The following TMEM53 variants were observed in gnomAD, a reference collection of about 807,000 sequenced individuals.
TMEM53 encodes novel DUF829 domain-containing protein.
A neutral mutation model predicts 21.4 loss-of-function variants in TMEM53; 14 were observed. That is an observed-to-expected ratio of 0.65 (90% confidence interval 0.43 to 1.02). The LOEUF is 1.02. TMEM53 is among the 50% of genes least tolerant of loss of function. The pLI is 0.00. For synonymous variants in TMEM53, 148 were observed against 157.4 expected, an observed-to-expected ratio of 0.94 and a Z score of 0.45; for missense variants, 323 against 383.6, an observed-to-expected ratio of 0.84 and a Z score of 1.32.
chr1:44,660,186 G>A lies in TMEM53; in HGVS notation c.171C>T (p.Ile57=), dbSNP rs753172273. ...CCAGAGTACTCACCCTTTTGTGGTAGATGGCACTGTACTTGGCAAGGTTCT... is the reference window on the plus strand; with the variant it reads ...CCAGAGTACTCACCCTTTTGTGGTAAATGGCACTGTACTTGGCAAGGTTCT... ...KDKNLAKYSA[I]YHKRGCIVIR... Residue 57 remains isoleucine (I), a synonymous_variant, in exon 2 of 3, where the codon ATC becomes ATT. Transcript: ENST00000372237. 2 of 1,614,064 alleles carry A rather than the reference G, an allele frequency of 1.2e-6. No individual in the cohort carries two copies. Among genetic ancestry groups the A allele is most frequent in the South Asian group, 2.2e-5 (2 of 91,066 alleles).
intron 1 of TMEM53, among the ~76,000 whole-genome samples, chr1:44,667,609 T>C (rs1484750881): frequency 7.9e-5 from 12 of 152,160 alleles, no homozygotes; most frequent in African/African-American, 2.4e-5. Flanking sequence ...CGCCCAGCCA[T>C]GTATTTTTTT....
chr1:44,660,046 C>T (rs2148531459), intron 2 of TMEM53, 128 bp downstream of exon 2: 2 of 1,188,890 alleles, frequency 1.7e-6, no homozygotes, highest in East Asian at 2.7e-5. Flanking sequence ...TTAGTAGAGA[C>T]AGGGTTTGAC....
chr1:44,654,997 G>GT lies in TMEM53; in HGVS notation c.395_396insA (p.Phe132LeufsTer12). 1.2e-6 allele frequency: 2 copies of GT among 1,613,976 alleles called. No individual in the cohort carries two copies. On this transcript the variant is annotated frameshift_variant, in exon 3 of 3. Transcript: ENST00000372237. LOFTEE classifies it high-confidence loss of function. The surrounding 1 kb of genome is among the most constrained non-coding windows in gnomAD (Gnocchi z 7.0). Reference sequence around the variant, plus strand: ...TGGTGCCCACCACACGCAGGCGGCAGAAGCGACGGGTCTGCAGGAGCTCCA... The same window carrying GT: ...TGGTGCCCACCACACGCAGGCGGCAGTAAGCGACGGGTCTGCAGGAGCTCCA...
intron 1 of TMEM53, among the ~76,000 whole-genome samples, chr1:44,664,985 T>C (rs1644935437): frequency 1.3e-5 from 2 of 152,036 alleles, no homozygotes; most frequent in African/African-American, 4.8e-5. Flanking sequence ...ACGATGCTGA[T>C]GCTCCGTGTT....
rs116812763 is a variant in TMEM53 at position 44,674,244 on chromosome 1, C to A, written c.61+87G>T. The A allele has an allele frequency of 7.9e-4, 1,193 of 1,507,070 alleles. 8 individuals carry two copies. In the African/African-American group the frequency reaches 0.015, roughly 19 times the overall value. The allele number at this position is 1,507,070 out of a possible 1,614,324, so 93.4% of individuals were successfully genotyped here. ...GGCGGCCCGAGGGAGGGCGGGGCCG[C>A]ATGAGGGGCGGGGCTACAGCTGCGC... On this transcript the variant is annotated intron_variant, in intron 1 of 2. Coordinates refer to ENST00000372237, the MANE Select transcript of TMEM53 (RefSeq NM_024587.4).
chr1:44,673,822 G>A, intron 1 of TMEM53: 2 of 982,816 alleles, frequency 2.0e-6, no homozygotes, highest in South Asian at 9.4e-5. Flanking sequence ...AGTTCTACCC[G>A]ACGGCAGAGA....
chr1:44,674,208 C>G, intron 1 of TMEM53, 123 bp downstream of exon 1: 3 of 1,440,884 alleles, frequency 2.1e-6, no homozygotes, highest in Non-Finnish European at 2.7e-6. Context: ...ACCTGCCAGA[C>G]CCTATGAGGG....
chr1:44,668,828 C>T (rs540680361), intron 1 of TMEM53, among the ~76,000 whole-genome samples: 19 of 152,330 alleles, frequency 1.2e-4, no homozygotes, highest in African/African-American at 4.6e-4. Context: ...CAGGCGTGAG[C>T]CACTGTACCC....
At chr1:44,659,824 G>C (rs908769884) in intron 2 of TMEM53, among the ~76,000 whole-genome samples, 1 of 149,126 alleles carries the variant, frequency 6.7e-6, no homozygotes, top group Non-Finnish European at 1.5e-5. Flanking sequence ...ATCCCACCAA[G>C]TCCCTATAAC....
Position 44,670,169 on chromosome 1 carries a change from T to TA in TMEM53, c.61+4161dup, listed in dbSNP as rs780360806. Among the ~76,000 whole-genome samples, 106 of 103,780 alleles carry TA rather than the reference T, an allele frequency of 1.0e-3. 3 individuals carry two copies. Among genetic ancestry groups the TA allele is most frequent in the East Asian group, 3.5e-3 (13 of 3,768 alleles). The allele number at this position is 103,780 out of a possible 152,430, so 68.1% of individuals were successfully genotyped here. Reference sequence around the variant, plus strand: ...AAAAATAAATACAACTCCTCTGTATTAAAAAAAAAAAAAAAGACCTTTGGG... The same window carrying TA: ...AAAAATAAATACAACTCCTCTGTATTAAAAAAAAAAAAAAAAGACCTTTGGG... On this transcript the variant is annotated intron_variant, in intron 1 of 2. Coordinates refer to ENST00000372237, the MANE Select transcript of TMEM53 (RefSeq NM_024587.4).
Position 44,672,889 on chromosome 1 carries a change from C to T in TMEM53, c.61+1442G>A, listed in dbSNP as rs544480964. On this transcript the variant is annotated intron_variant, in intron 1 of 2. Coordinates refer to ENST00000372237, the MANE Select transcript of TMEM53 (RefSeq NM_024587.4). ...CTACCTCGTAACCCTCGCAATCCCA[C>T]GAGGAGGTAGGCACTAGTACTCTTC... is the stretch of plus-strand genomic sequence containing the variant. Among the ~76,000 whole-genome samples, 6 of 152,264 alleles carry T rather than the reference C, an allele frequency of 3.9e-5. No individual in the cohort carries two copies. In the South Asian group the frequency reaches 1.0e-3, roughly 26 times the overall value.
intron 1 of TMEM53, among the ~76,000 whole-genome samples, chr1:44,666,069 A>G (rs1644946278): frequency 1.3e-5 from 2 of 152,248 alleles, no homozygotes; most frequent in South Asian, 4.1e-4. Flanking sequence ...AAAGGACCTG[A>G]ATATATTAAG....
chr1:44,671,143 G>T (rs189996555), intron 1 of TMEM53, among the ~76,000 whole-genome samples: 2 of 152,334 alleles, frequency 1.3e-5, no homozygotes, highest in East Asian at 3.9e-4. Context: ...CAAATGAAAT[G>T]AAGTAAGAGA....
chr1:44,654,665 C>T lies in TMEM53; in HGVS notation c.728G>A (p.Arg243His), dbSNP rs150431791. Residue 243 changes from arginine (R) to histidine (H), a missense_variant, in exon 3 of 3, where the codon CGT (arginine) becomes CAT (histidine). Physicochemically the swap from Arg to His is conservative, Grantham distance 29. Transcript: ENST00000372237. The surrounding 1 kb of genome is among the most constrained non-coding windows in gnomAD (Gnocchi z 7.0). ...EARLARRVLA[R>H]SVDFVSSAHV... ...TGCAGATGACACGAAATCCACAGAA[C>T]GCGCCAGGACCCGGCGTGCCAGGCG... The T allele has an allele frequency of 5.9e-5, 96 of 1,614,126 alleles. No individual in the cohort carries two copies. The highest frequency in any genetic ancestry group is 7.5e-5 in the Non-Finnish European group (88 of 1,180,028).
chr1:44,667,850 A>T (rs529565906), intron 1 of TMEM53, among the ~76,000 whole-genome samples: 1 of 152,280 alleles, frequency 6.6e-6, no homozygotes, highest in South Asian at 2.1e-4. Context: ...ATGTGGAAGG[A>T]TTCTTTTCAA....
chr1:44,667,299 G>A (rs116815213), intron 1 of TMEM53, among the ~76,000 whole-genome samples: 193 of 146,666 alleles, frequency 1.3e-3, no homozygotes, highest in African/African-American at 4.7e-3. Flanking sequence ...CTACACAAAC[G>A]CACACTTTTT....
intron 1 of TMEM53, among the ~76,000 whole-genome samples, chr1:44,672,900 G>A (rs1340693492): frequency 6.6e-6 from 1 of 152,168 alleles, no homozygotes; most frequent in African/African-American, 2.4e-5. Context: ...GAGGAGGTAG[G>A]CACTAGTACT....
intron 1 of TMEM53, among the ~76,000 whole-genome samples, chr1:44,663,147 G>A (rs1313303244): frequency 6.6e-6 from 1 of 152,216 alleles, no homozygotes; most frequent in African/African-American, 2.4e-5. Context: ...CAACCTCCTT[G>A]GGCTCAAGCG....
Position 44,654,885 on chromosome 1 carries a change from G to A in TMEM53, c.508C>T (p.Arg170Cys), listed in dbSNP as rs1418484601. Residue 170 changes from arginine to cysteine, a missense_variant, in exon 3 of 3, where the codon CGC becomes TGC. Transcript: ENST00000372237. The surrounding 1 kb of genome is among the most constrained non-coding windows in gnomAD (Gnocchi z 7.0). The stretch of plus-strand genomic sequence containing the variant: ...GCAAAGGCCACCAGCAGCAACAGGC[G>A]CAGCATGGCGGCCCGGCGCTCCAGG... ...AILERRAAMLRLLLLVAFALV... is the reference protein window; with the variant it reads ...AILERRAAMLCLLLLVAFALV... 1.9e-6 allele frequency: 3 copies of A among 1,612,370 alleles called. No individual in the cohort carries two copies. The highest frequency in any genetic ancestry group is 1.3e-5 in the African/African-American group (1 of 74,914).
Sources: allele counts gnomAD v4.1 joint callset (sites outside exome capture counted in the v4.1 genomes callset), GRCh38; gene constraint gnomAD v4.1.1; non-coding constraint Gnocchi (gnomAD v3.1); transcripts MANE v1.5; gene names NCBI Gene and HGNC (gene_info 2026-07-23, HGNC 2026-07-21).